MORN4: variants seen among roughly 807,000 people sequenced by gnomAD.
MORN4 encodes MORN repeat-containing protein 4.
MORN4 carries 8 observed loss-of-function variants against 16.4 expected under a neutral mutation model. The ratio of observed to expected loss-of-function variants is 0.49; its 90% CI spans 0.29 to 0.88. MORN4 has a LOEUF of 0.88. MORN4 is among the 40% of genes least tolerant of loss of function. The probability of loss-of-function intolerance (pLI) is 0.09; values close to 1 mark genes in which losing one functional copy is unlikely to be tolerated. For missense variants in MORN4, 159 were observed against 182.9 expected (o/e 0.87, Z 0.75); for synonymous variants, 53 against 68.9 (o/e 0.77, Z 1.14).
chr10:97,627,148 T>C (rs1429859135), intron 1 of MORN4, among the ~76,000 whole-genome samples: 1 of 152,058 alleles, frequency 6.6e-6, no homozygotes, highest in Non-Finnish European at 1.5e-5. Flanking sequence ...CTTTTTTTTT[T>C]TGTTTTTTGT....
chr10:97,634,043 C>T (rs1031823974), upstream of MORN4, among the ~76,000 whole-genome samples: 12 of 152,174 alleles, frequency 7.9e-5, no homozygotes, highest in African/African-American at 2.9e-4. Context: ...AATCCCAGCA[C>T]TTCGGGAGGC....
intron 1 of MORN4, among the ~76,000 whole-genome samples, chr10:97,628,466 T>C (rs919379518): frequency 2.0e-5 from 3 of 152,146 alleles, no homozygotes; most frequent in African/African-American, 7.2e-5. Flanking sequence ...AGGGAACATT[T>C]CTCCAGTTTG....
chr10:97,621,772 G>T (rs2041295784), intron 1 of MORN4, among the ~76,000 whole-genome samples: 1 of 124,060 alleles, frequency 8.1e-6, no homozygotes, highest in African/African-American at 2.9e-5. Context: ...GACTGATGCA[G>T]AAGAACTGCT....
intron 1 of MORN4, among the ~76,000 whole-genome samples, chr10:97,630,810 C>A (rs548915936): frequency 3.9e-4 from 59 of 152,158 alleles, no homozygotes; most frequent in Non-Finnish European, 7.5e-4. Context: ...TGAGACAAAC[C>A]TAGTTTAACA....
rs372240575 is a variant in MORN4 at position 97,616,296 on chromosome 10, G to C, written c.408C>G (p.Ser136Arg). The change falls in exon 5 of 5, where the codon AGC becomes AGG. Residue 136 changes from serine (S) to arginine (R), a missense_variant. Coordinates refer to ENST00000307450, the MANE Select transcript of MORN4 (RefSeq NM_178832.4). The part of the protein sequence containing the change: ...KCSAIVQRAQ[S>R]ASKSARNLTA ...TGAGATTTCTGGCTGACTTGGAGGC[G>C]CTCTGGGCCCGCTGAACAATGGCAG... The C allele has an allele frequency of 5.6e-6, 9 of 1,610,536 alleles. No individual in the cohort carries two copies. Among genetic ancestry groups the C allele is most frequent in the Non-Finnish European group, 7.6e-6 (9 of 1,178,340 alleles).
chr10:97,621,726 G>A (rs374209868), intron 1 of MORN4, among the ~76,000 whole-genome samples: 11 of 152,202 alleles, frequency 7.2e-5, no homozygotes, highest in African/African-American at 1.4e-4. Context: ...TTAGCAGGGC[G>A]TGGTGGCGGG....
chr10:97,622,303 G>A (rs1033401439), intron 1 of MORN4, among the ~76,000 whole-genome samples: 1 of 152,176 alleles, frequency 6.6e-6, no homozygotes. Flanking sequence ...AACAACTGGG[G>A]GGATACATCA....
intron 1 of MORN4, among the ~76,000 whole-genome samples, chr10:97,623,143 T>C (rs371756379): frequency 6.6e-6 from 1 of 152,174 alleles, no homozygotes; most frequent in African/African-American, 2.4e-5. Flanking sequence ...ACTTACTGAA[T>C]CAGATTCTGT....
chr10:97,628,628 G>T (rs1253780685), intron 1 of MORN4, among the ~76,000 whole-genome samples: 1 of 151,762 alleles, frequency 6.6e-6, no homozygotes, highest in Non-Finnish European at 1.5e-5. Flanking sequence ...CCGCCTCCCA[G>T]GCTCAAGAGA....
At chr10:97,619,872 T>A (rs1480201782) in intron 1 of MORN4, among the ~76,000 whole-genome samples, 189 bp from the exon 2 acceptor site, 1 of 152,150 alleles carries the variant, frequency 6.6e-6, no homozygotes, top group African/African-American at 2.4e-5. Context: ...GCCCAAGTGC[T>A]CTTATCCTCC....
chr10:97,617,340 T>C lies in MORN4; in HGVS notation c.68-18A>G, dbSNP rs2041245445. On this transcript the variant is annotated intron_variant, in intron 2 of 4. Transcript: ENST00000307450. Reference sequence around the variant, plus strand: ...CCTGCGGCCTGAACAAAGAGAAGGATAGGTGTCAGGTTGGAAGGAGGCAGC... The same window carrying C: ...CCTGCGGCCTGAACAAAGAGAAGGACAGGTGTCAGGTTGGAAGGAGGCAGC... 3 of 1,609,268 alleles carry C rather than the reference T, an allele frequency of 1.9e-6. No homozygotes were observed. Among genetic ancestry groups the C allele is most frequent in the African/African-American group, 2.7e-5 (2 of 74,936 alleles).
At chr10:97,618,224 T>C (rs964284934) in intron 2 of MORN4, among the ~76,000 whole-genome samples, 17 of 151,726 alleles carry the variant, frequency 1.1e-4, no homozygotes, top group Non-Finnish European at 2.1e-4. Context: ...AACATGTGTA[T>C]TTATAGTGCC....
chr10:97,626,187 G>A (rs1048020901), intron 1 of MORN4, among the ~76,000 whole-genome samples: 1 of 151,540 alleles, frequency 6.6e-6, no homozygotes, highest in Non-Finnish European at 1.5e-5. Flanking sequence ...GACCAGCCTG[G>A]CCAACATGGT....
At chr10:97,632,988 A>G (rs1276003297) in intron 1 of MORN4, among the ~76,000 whole-genome samples, 1 of 152,162 alleles carries the variant, frequency 6.6e-6, no homozygotes, top group Non-Finnish European at 1.5e-5. Flanking sequence ...CCTAGACCAC[A>G]ACAAGGCAAC....
intron 2 of MORN4, among the ~76,000 whole-genome samples, chr10:97,618,264 T>G: frequency 7.3e-6 from 1 of 136,442 alleles, no homozygotes; most frequent in African/African-American, 2.8e-5. Context: ...TCTTCTTTTT[T>G]TTTTTTTTTT....
At chr10:97,631,119 T>A (rs1480293484) in intron 1 of MORN4, among the ~76,000 whole-genome samples, 3 of 152,234 alleles carry the variant, frequency 2.0e-5, no homozygotes, top group African/African-American at 7.2e-5. Context: ...TCCAAAGTGC[T>A]AGGATTACAG....
chr10:97,632,072 AAT>A (rs1191942947), intron 1 of MORN4, among the ~76,000 whole-genome samples: 1 of 152,176 alleles, frequency 6.6e-6, no homozygotes, highest in Non-Finnish European at 1.5e-5. Context: ...CCCAGGGTAC[AAT>A]AGTCTTGTCA....
intron 1 of MORN4, among the ~76,000 whole-genome samples, chr10:97,632,522 A>AT (rs978352495): frequency 4.0e-5 from 6 of 150,976 alleles, no homozygotes; most frequent in African/African-American, 9.7e-5. Context: ...CGGCCTAAAT[A>AT]TTTTTTTTTA....
At position 97,621,044 on chromosome 10, in the gene MORN4, C is replaced by T. The variant is rs2041287410; in HGVS notation, c.-30-1361G>A. Among the ~76,000 whole-genome samples the T allele has an allele frequency of 3.3e-5, 5 of 151,752 alleles. 1 individual carries two copies. The highest frequency in any genetic ancestry group is 3.3e-4 in the Admixed American group (5 of 15,222). On this transcript the variant is annotated intron_variant, in intron 1 of 4. Coordinates refer to ENST00000307450, the MANE Select transcript of MORN4 (RefSeq NM_178832.4). Reference sequence around the variant, plus strand: ...GCTGAGGCAGGAGAATTGCTTGAACCCAGGAGGCAGAGGTTGCAGTGAGCT... The same window carrying T: ...GCTGAGGCAGGAGAATTGCTTGAACTCAGGAGGCAGAGGTTGCAGTGAGCT...
Sources: gnomAD v4.1 joint callset for allele counts (sites outside exome capture counted in the v4.1 genomes callset) on GRCh38, gnomAD v4.1.1 for gene constraint, MANE v1.5 for transcripts, NCBI Gene and HGNC (gene_info 2026-07-23, HGNC 2026-07-21) for gene names.